The following CHD1L variants were observed in gnomAD, a reference collection of about 807,000 sequenced individuals.
CHD1L encodes ATP-dependent chromatin remodeler CHD1L.
CHD1L carries 118 observed loss-of-function variants against 115.9 expected under a neutral mutation model. The observed-to-expected ratio is 1.02, with a 90% CI of 0.88 to 1.19. CHD1L has a LOEUF of 1.19. Ranked by LOEUF, CHD1L falls within the 50% of genes most tolerant of loss-of-function variation. The pLI, the probability that CHD1L is intolerant of heterozygous loss-of-function variation, is 0.00. For synonymous variants in CHD1L, 411 were observed against 387.1 expected, an observed-to-expected ratio of 1.06 and a Z score of -0.72; for missense variants, 1,179 against 1,065.3, an observed-to-expected ratio of 1.11 and a Z score of -1.49.
the CHD1L span, among the ~76,000 whole-genome samples, chr1:147,221,925 T>C: frequency 2.6e-5 from 4 of 152,232 alleles, no homozygotes; most frequent in Non-Finnish European, 5.9e-5. Flanking sequence ...AGAGCAGTAT[T>C]GGGTTAGTGA....
the CHD1L span, among the ~76,000 whole-genome samples, chr1:147,227,947 T>C: frequency 1.3e-5 from 2 of 152,172 alleles, no homozygotes; most frequent in East Asian, 1.9e-4. Flanking sequence ...AGCCTCACTC[T>C]GTCGCCCAGG....
the CHD1L span, among the ~76,000 whole-genome samples, chr1:147,218,382 C>T: frequency 3.3e-5 from 5 of 151,434 alleles, no homozygotes; most frequent in African/African-American, 4.9e-5. Context: ...CCTACAGGCA[C>T]GCGCCACTAT....
chr1:147,294,685 C>T (rs1392399279), intron 22 of CHD1L, among the ~76,000 whole-genome samples, 168 bp downstream of exon 22: 3 of 152,114 alleles, frequency 2.0e-5, no homozygotes, highest in Middle Eastern at 3.2e-3. Context: ...TTGTGTGTAT[C>T]AAATATGTAC....
intron 14 of CHD1L, among the ~76,000 whole-genome samples, chr1:147,278,449 T>G (rs1457171342): frequency 6.6e-6 from 1 of 151,542 alleles, no homozygotes; most frequent in Non-Finnish European, 1.5e-5. Context: ...GGTCTTGATC[T>G]CCTGACCTTG....
intron 19 of CHD1L, among the ~76,000 whole-genome samples, chr1:147,287,990 TGTG>T: frequency 6.6e-6 from 1 of 152,232 alleles, no homozygotes; most frequent in Middle Eastern, 3.4e-3. Context: ...GCATAATAAA[TGTG>T]TGTATTCTGA....
the CHD1L span, chr1:147,177,973 C>G: frequency 3.5e-5 from 19 of 541,708 alleles, no homozygotes; most frequent in East Asian, 6.3e-4. Flanking sequence ...CAACTAAATG[C>G]AAAATGGGAC....
At chr1:147,262,048 T>C in intron 6 of CHD1L, among the ~76,000 whole-genome samples, 1 of 151,874 alleles carries the variant, frequency 6.6e-6, no homozygotes, top group East Asian at 1.9e-4. Flanking sequence ...TTCAAAAAAT[T>C]AGCTGGGCAT....
the CHD1L span, chr1:147,175,917 G>A: frequency 7.7e-6 from 1 of 130,366 alleles, no homozygotes; most frequent in African/African-American, 2.9e-5. Context: ...AAGACTATAC[G>A]GTCAGAAAAC....
chr1:147,181,817 A>G, the CHD1L span, among the ~76,000 whole-genome samples: 1 of 152,204 alleles, frequency 6.6e-6, no homozygotes, highest in Non-Finnish European at 1.5e-5. Flanking sequence ...TGCATTTTAA[A>G]TGAGGTGGGC....
chr1:147,268,272 A>G (rs1674750246), intron 9 of CHD1L, among the ~76,000 whole-genome samples: 1 of 152,066 alleles, frequency 6.6e-6, no homozygotes, highest in Non-Finnish European at 1.5e-5. Flanking sequence ...CCTGATTGGT[A>G]ACCCTTGGAG....
the CHD1L span, among the ~76,000 whole-genome samples, chr1:147,214,420 C>T: frequency 6.7e-6 from 1 of 150,136 alleles, no homozygotes; most frequent in Non-Finnish European, 1.5e-5. Flanking sequence ...CACTGTACTC[C>T]AGCCTGGGCA....
the CHD1L span, among the ~76,000 whole-genome samples, chr1:147,235,508 G>A: frequency 5.9e-5 from 9 of 152,256 alleles, no homozygotes; most frequent in East Asian, 1.7e-3. Flanking sequence ...AGCCTAATTA[G>A]ACATGCCATT....
intron 7 of CHD1L, among the ~76,000 whole-genome samples, chr1:147,265,006 A>G (rs1673328441): frequency 6.6e-6 from 1 of 152,316 alleles, no homozygotes; most frequent in African/African-American, 2.4e-5. Flanking sequence ...CACCAAAACC[A>G]GAATTCTGGG....
chr1:147,291,339 C>T (rs1685452199), intron 19 of CHD1L, 143 bp from the exon 20 acceptor site: 1 of 673,580 alleles, frequency 1.5e-6, no homozygotes, highest in Non-Finnish European at 2.7e-6. Flanking sequence ...AAGAGGTTGA[C>T]TGAGGCCAGG....
chr1:147,251,591 C>T (rs1016783609), intron 1 of CHD1L, among the ~76,000 whole-genome samples: 3 of 152,144 alleles, frequency 2.0e-5, no homozygotes, highest in Admixed American at 6.5e-5. Flanking sequence ...TGCAGTGGCG[C>T]GATCTCGGCT....
the CHD1L span, among the ~76,000 whole-genome samples, chr1:147,197,276 T>C: frequency 6.6e-6 from 1 of 152,188 alleles, no homozygotes; most frequent in African/African-American, 2.4e-5. Context: ...TCCTATGTAG[T>C]TGTAGGGAGA....
At chr1:147,204,878 C>T in the CHD1L span, 1 of 1,592,184 alleles carries the variant, frequency 6.3e-7, no homozygotes, top group Non-Finnish European at 8.6e-7. Context: ...AAGTGTTTCG[C>T]TCCCTCCTTG....
rs999766120 is a variant in CHD1L, at chr1:147,247,660, C to T, written c.127+4830C>T. On this transcript the variant is annotated intron_variant, in intron 1 of 22. Coordinates refer to ENST00000369258, the MANE Select transcript of CHD1L (RefSeq NM_004284.6). ...GTATTCCATAGCAACACTAAATGGA[C>T]TAAGACAGGCCCTGAATATGTTGTA... 2.0e-5 allele frequency among the ~76,000 whole-genome samples: 3 copies of T among 152,270 alleles called. No homozygotes were observed. In the South Asian group the frequency reaches 6.2e-4, roughly 32 times the overall value.
At chr1:147,184,407 A>G in the CHD1L span, 1 of 1,321,230 alleles carries the variant, frequency 7.6e-7, no homozygotes, top group Non-Finnish European at 9.8e-7. The surrounding 1 kb of genome is among the most constrained non-coding windows in gnomAD (Gnocchi z 4.4). Context: ...CAAAATGCAT[A>G]CTTTATTAAT....
Sources: gnomAD v4.1 joint callset for allele counts (sites outside exome capture counted in the v4.1 genomes callset) on GRCh38, gnomAD v4.1.1 for gene constraint, Gnocchi (gnomAD v3.1) non-coding constraint, MANE v1.5 for transcripts, NCBI Gene and HGNC (gene_info 2026-07-23, HGNC 2026-07-21) for gene names.